CCN4: variants seen among roughly 807,000 people sequenced by gnomAD.
The protein encoded by CCN4 is CCN family member 4.
In CCN4, 30 loss-of-function variants were observed where a neutral mutation model predicts 36.7. The observed-to-expected ratio is 0.82, with a 90% confidence interval of 0.61 to 1.11. CCN4 has a LOEUF of 1.11. Among genes scored for constraint, CCN4 ranks in the 50% least tolerant of loss-of-function variants. The probability of loss-of-function intolerance (pLI) is 0.00; values close to 1 mark genes in which losing one functional copy is unlikely to be tolerated. For missense variants in CCN4, 505 were observed against 504.9 expected (o/e 1.00, Z 0.00); for synonymous variants, 191 against 195.4 (o/e 0.98, Z 0.19).
intron 2 of CCN4, among the ~76,000 whole-genome samples, chr8:133,215,728 G>GA (rs1010586611): frequency 4.0e-5 from 6 of 151,194 alleles, no homozygotes; most frequent in African/African-American, 1.5e-4. Flanking sequence ...CCTTTTATTT[G>GA]AAAAAAACAA....
At chr8:133,191,298 G>T in intron 1 of CCN4, 85 bp downstream of exon 1, 1 of 1,455,398 alleles carries the variant, frequency 6.9e-7, no homozygotes, top group Middle Eastern at 1.9e-4. Context: ...TGGGCAGGAT[G>T]AAAAGGGCCA....
chr8:133,196,727 G>A (rs936234441), intron 1 of CCN4, among the ~76,000 whole-genome samples: 1 of 152,184 alleles, frequency 6.6e-6, no homozygotes, highest in African/African-American at 2.4e-5. Context: ...GGCTTGTTAA[G>A]GGTGTTGAAT....
chr8:133,212,445 C>A (rs1048399337), intron 1 of CCN4, among the ~76,000 whole-genome samples: 2 of 152,028 alleles, frequency 1.3e-5, no homozygotes, highest in Admixed American at 6.6e-5. Context: ...CCCTGCAGGT[C>A]GTCACAGAAG....
intron 3 of CCN4, among the ~76,000 whole-genome samples, chr8:133,222,211 G>T (rs547445005): frequency 6.6e-5 from 10 of 152,188 alleles, no homozygotes; most frequent in Non-Finnish European, 1.3e-4. Context: ...GGCAGTGGGA[G>T]TAGAGGCAGT....
At chr8:133,197,525 C>T (rs531528874) in intron 1 of CCN4, among the ~76,000 whole-genome samples, 36 of 152,292 alleles carry the variant, frequency 2.4e-4, no homozygotes, top group African/African-American at 7.5e-4. Flanking sequence ...CTAGTCTCCC[C>T]CCCAGCTCTG....
intron 1 of CCN4, among the ~76,000 whole-genome samples, chr8:133,194,363 G>GT (rs1853237542): frequency 9.2e-6 from 1 of 109,126 alleles, no homozygotes; most frequent in African/African-American, 3.5e-5. Context: ...GTGGTGTGTG[G>GT]GGGTGTGTGT....
rs543529269 is a variant in CCN4, at chr8:133,229,215, T to C, written c.*1505T>C. On this transcript the variant is annotated 3_prime_UTR_variant, in exon 5 of 5. Transcript: ENST00000250160. ...TCACCCAGTTGGTGACTGGGAAAGT[T>C]AGGATTCAGATCGAAATTGGACTGT... 3.9e-5 allele frequency: 6 copies of C among 152,296 alleles called. No homozygotes were observed. In the South Asian group the frequency reaches 1.2e-3, roughly 32 times the overall value. 9.4% of individuals were successfully genotyped at this position (152,296 alleles called of 1,614,324 possible). A position where few individuals can be genotyped will look rare whatever the true frequency, so the allele number is the denominator to read the frequency against.
chr8:133,208,404 C>T (rs981805873), intron 1 of CCN4, among the ~76,000 whole-genome samples: 4 of 152,202 alleles, frequency 2.6e-5, no homozygotes, highest in Non-Finnish European at 4.4e-5. Context: ...AAAGCCTGGA[C>T]TGGATACAGT....
intron 3 of CCN4, among the ~76,000 whole-genome samples, chr8:133,221,661 G>T (rs79507290): frequency 0.028 from 4,228 of 151,790 alleles, 169 homozygotes; most frequent in African/African-American, 0.095. Context: ...TGATGGATAG[G>T]TGTATAAATA....
intron 1 of CCN4, 89 bp from the exon 2 acceptor site, chr8:133,212,775 C>A: frequency 1.0e-6 from 1 of 999,276 alleles, no homozygotes; most frequent in Non-Finnish European, 1.5e-6. Flanking sequence ...TTTTGAACAG[C>A]ATGAGGACAG....
intron 1 of CCN4, among the ~76,000 whole-genome samples, chr8:133,199,337 C>T (rs747750625): frequency 2.6e-5 from 4 of 152,146 alleles, no homozygotes; most frequent in Non-Finnish European, 5.9e-5. Context: ...GAAGAGGAGG[C>T]GGGCAGCACA....
At chr8:133,218,890 A>C (rs1422595422) in intron 2 of CCN4, among the ~76,000 whole-genome samples, 2 of 152,034 alleles carry the variant, frequency 1.3e-5, no homozygotes, top group African/African-American at 4.8e-5. Context: ...ACCCAACCCA[A>C]ACCCTGCTTG....
chr8:133,225,761 G>C (rs1854711756), intron 4 of CCN4, among the ~76,000 whole-genome samples, 178 bp downstream of exon 4: 1 of 152,172 alleles, frequency 6.6e-6, no homozygotes. Flanking sequence ...GGTGCATTGT[G>C]AATTTCAGTC....
intron 1 of CCN4, among the ~76,000 whole-genome samples, chr8:133,202,247 G>A (rs1853613270): frequency 6.6e-6 from 1 of 152,216 alleles, no homozygotes; most frequent in Non-Finnish European, 1.5e-5. Context: ...TCACCTCCCT[G>A]GACAAACAGG....
rs1854947450 is a variant in CCN4, at chr8:133,231,147, C to T, written c.*3437C>T. ...CGAATGACATGATTGTCTATAATCT[C>T]GCTAGCCTTGTACTGTGTGTGCATA... On this transcript the variant is annotated 3_prime_UTR_variant, in exon 5 of 5. Coordinates refer to ENST00000250160, the MANE Select transcript of CCN4 (RefSeq NM_003882.4). 6.6e-6 allele frequency: 1 copy of T among 152,182 alleles called. No homozygotes were observed. Among genetic ancestry groups the T allele is most frequent in the South Asian group, 2.1e-4 (1 of 4,834 alleles). The allele number at this position is 152,182 out of a possible 1,614,324, so 9.4% of individuals were successfully genotyped here. A position where few individuals can be genotyped will look rare whatever the true frequency, so the allele number is the denominator to read the frequency against.
At position 133,227,468 on chromosome 8, in the gene CCN4, G is replaced by A; in HGVS notation, c.862G>A (p.Ala288Thr). 1 of 1,614,210 alleles carries A rather than the reference G, an allele frequency of 6.2e-7. No individual in the cohort carries two copies. The highest frequency in any genetic ancestry group is 1.1e-5 in the South Asian group (1 of 91,084). ...QPEASMNFTLAGCISTRSYQP... is the reference protein window; with the variant it reads ...QPEASMNFTLTGCISTRSYQP... ...AGAGGCATCCATGAACTTCACACTT[G>A]CGGGCTGCATCAGCACACGCTCCTA... The change falls in exon 5 of 5, where the codon GCG becomes ACG. Residue 288 changes from alanine to threonine, a missense_variant. Physicochemically the swap from Ala to Thr is moderately conservative, Grantham distance 58. Coordinates refer to ENST00000250160, the MANE Select transcript of CCN4 (RefSeq NM_003882.4).
At chr8:133,225,759 G>A (rs955163109) in intron 4 of CCN4, among the ~76,000 whole-genome samples, 176 bp downstream of exon 4, 1 of 152,180 alleles carries the variant, frequency 6.6e-6, no homozygotes, top group African/African-American at 2.4e-5. Context: ...TTGGTGCATT[G>A]TGAATTTCAG....
intron 3 of CCN4, among the ~76,000 whole-genome samples, chr8:133,223,456 C>T (rs971677555): frequency 6.6e-6 from 1 of 152,152 alleles, no homozygotes; most frequent in African/African-American, 2.4e-5. Flanking sequence ...TCAGTGATTC[C>T]TGCATTCATT....
intron 1 of CCN4, among the ~76,000 whole-genome samples, chr8:133,197,946 G>T (rs1853449940): frequency 6.6e-6 from 1 of 152,180 alleles, no homozygotes; most frequent in Admixed American, 6.5e-5. Flanking sequence ...AGAGAGCAGG[G>T]ACTCATACCC....
Sources: allele counts gnomAD v4.1 joint callset (sites outside exome capture counted in the v4.1 genomes callset), GRCh38; gene constraint gnomAD v4.1.1; transcripts MANE v1.5; gene names NCBI Gene and HGNC (gene_info 2026-07-23, HGNC 2026-07-21).